TRMT10B: variants seen among roughly 807,000 people sequenced by gnomAD.
TRMT10B encodes tRNA methyltransferase 10B.
In TRMT10B, 33 loss-of-function variants were observed where a neutral mutation model predicts 43.8. That is an observed-to-expected ratio of 0.75 (90% CI 0.57 to 1.01). The LOEUF (loss-of-function observed/expected upper bound fraction) is 1.01, where lower values mean the gene tolerates loss of function less well. Among genes scored for constraint, TRMT10B ranks in the 50% least tolerant of loss-of-function variants. TRMT10B has a pLI of 0.00. For synonymous variants in TRMT10B, 137 were observed against 130.6 expected (o/e 1.05, Z -0.34); for missense variants, 362 against 369.8 (o/e 0.98, Z 0.17).
At chr9:37,775,858 C>G (rs1828083067) in intron 7 of TRMT10B, among the ~76,000 whole-genome samples, 1 of 152,174 alleles carries the variant, frequency 6.6e-6, no homozygotes, top group Admixed American at 6.5e-5. Context: ...CTTCTCACAC[C>G]CTAATGCCAC....
At chr9:37,756,593 C>A (rs1825704444) in intron 1 of TRMT10B, among the ~76,000 whole-genome samples, 1 of 151,878 alleles carries the variant, frequency 6.6e-6, no homozygotes. Flanking sequence ...GTAGACCCAG[C>A]TACTCGGGAG....
intron 4 of TRMT10B, among the ~76,000 whole-genome samples, chr9:37,764,315 ATT>A (rs753115932): frequency 6.5e-4 from 72 of 110,534 alleles, no homozygotes; most frequent in Non-Finnish European, 6.8e-4. Context: ...CGCCTGACAA[ATT>A]TTTTTTTTTT....
At chr9:37,763,161 A>AAC (rs778436464) in intron 3 of TRMT10B, among the ~76,000 whole-genome samples, 11,062 of 137,238 alleles carry the variant, frequency 0.081, 249 homozygotes, top group Non-Finnish European at 0.12. Context: ...AAAAAAAAAA[A>AAC]AAAACAAAAA....
chr9:37,755,843 A>G (rs1825609513), intron 1 of TRMT10B, among the ~76,000 whole-genome samples: 1 of 152,158 alleles, frequency 6.6e-6, no homozygotes, highest in African/African-American at 2.4e-5. Context: ...AAAAATAAAC[A>G]CTGCTGTTTT....
At chr9:37,768,550 G>T (rs1827225857) in intron 5 of TRMT10B, among the ~76,000 whole-genome samples, 1 of 152,188 alleles carries the variant, frequency 6.6e-6, no homozygotes, top group Non-Finnish European at 1.5e-5. Context: ...AGTTTTGGGG[G>T]AAGAGAAGGA....
In TRMT10B at chr9:37,770,667, A is replaced by AT; in HGVS notation, c.653-3dup. The AT allele has an allele frequency of 6.2e-7, 1 of 1,612,504 alleles. No homozygotes were observed. Among genetic ancestry groups the AT allele is most frequent in the Non-Finnish European group, 8.5e-7 (1 of 1,179,626 alleles). ...TGATCTCATTGGCCTTCATTTTTTC[A>AT]TTAGCTCTTGAAGATGTTGATCTAA... On this transcript the variant is annotated splice_region_variant and splice_polypyrimidine_tract_variant and intron_variant, in intron 6 of 8. Coordinates refer to ENST00000297994, the MANE Select transcript of TRMT10B (RefSeq NM_144964.4).
chr9:37,772,747 G>A (rs1279065160), intron 7 of TRMT10B, among the ~76,000 whole-genome samples: 1 of 152,084 alleles, frequency 6.6e-6, no homozygotes, highest in South Asian at 2.1e-4. Flanking sequence ...ACTTAGGGAG[G>A]CCCAAGGCAG....
chr9:37,761,138 T>C (rs1478966834), intron 1 of TRMT10B, among the ~76,000 whole-genome samples: 2 of 152,226 alleles, frequency 1.3e-5, no homozygotes, highest in African/African-American at 4.8e-5. Flanking sequence ...CTCTACTATA[T>C]ACATTGGTAC....
In TRMT10B at chr9:37,765,353, G is replaced by GT. The variant is rs551084485; in HGVS notation, c.420+1606dup. 4.1e-4 allele frequency among the ~76,000 whole-genome samples: 63 copies of GT among 152,122 alleles called. 1 individual carries two copies. Among genetic ancestry groups the GT allele is most frequent in the South Asian group, 1.7e-3 (8 of 4,812 alleles). On this transcript the variant is annotated intron_variant, in intron 4 of 8. Transcript: ENST00000297994. ...TATGAGTGAGAACATACGGTGTTTG[G>GT]TTTTTTGTCCTTGTGATAGTTTGCT...
chr9:37,777,039 CAA>C (rs1166319097), intron 8 of TRMT10B, among the ~76,000 whole-genome samples: 1 of 150,428 alleles, frequency 6.6e-6, no homozygotes, highest in East Asian at 2.0e-4. Flanking sequence ...ACTAAAAATA[CAA>C]AAATTAGCAG....
At chr9:37,770,166 G>A (rs1362613026) in intron 6 of TRMT10B, 147 bp downstream of exon 6, 7 of 748,350 alleles carry the variant, frequency 9.4e-6, no homozygotes, top group Non-Finnish European at 1.7e-5. Flanking sequence ...TCCTCTTACA[G>A]GCAGGGGCCT....
chr9:37,772,675 G>A (rs376569016), intron 7 of TRMT10B, among the ~76,000 whole-genome samples: 1 of 152,138 alleles, frequency 6.6e-6, no homozygotes, highest in African/African-American at 2.4e-5. Context: ...ACCGAGGCAG[G>A]AGGCTGTTAC....
At chr9:37,765,433 A>G (rs1563994686) in intron 4 of TRMT10B, among the ~76,000 whole-genome samples, 1 of 152,160 alleles carries the variant, frequency 6.6e-6, no homozygotes, top group African/African-American at 2.4e-5. Context: ...TGAACTCATC[A>G]TTTTTTATGG....
At chr9:37,770,977 T>C (rs1429375077) in intron 7 of TRMT10B, among the ~76,000 whole-genome samples, 2 of 152,222 alleles carry the variant, frequency 1.3e-5, no homozygotes, top group Admixed American at 1.3e-4. Flanking sequence ...TACATAGCCA[T>C]TGTTGAGTTT....
At chr9:37,761,869 A>G in intron 1 of TRMT10B, 34 bp from the exon 2 acceptor site, 1 of 1,454,932 alleles carries the variant, frequency 6.9e-7, no homozygotes, top group South Asian at 1.3e-5. Context: ...TAGTGAAATA[A>G]TGTAATAGCT....
At chr9:37,754,054 G>A (rs1021118788) in intron 1 of TRMT10B, among the ~76,000 whole-genome samples, 2 of 152,264 alleles carry the variant, frequency 1.3e-5, no homozygotes, top group Non-Finnish European at 2.9e-5. Flanking sequence ...CCCGCAGGCG[G>A]GGTGCTCTCA....
chr9:37,768,099 G>A lies in TRMT10B; in HGVS notation c.444G>A (p.Gln148=). ...SKKELSRLAG[Q]IRRLYGSNKK... is the part of the protein sequence containing the mutation. The stretch of plus-strand genomic sequence containing the variant: ...AGGAATTAAGTAGACTGGCTGGACA[G>A]ATTCGAAGGTTGTATGGTTCAAACA... The change falls in exon 5 of 9, where the codon CAG becomes CAA. Residue 148 remains glutamine, a synonymous_variant. Transcript: ENST00000297994. The A allele has an allele frequency of 6.2e-7, 1 of 1,614,118 alleles. No individual in the cohort carries two copies. The highest frequency in any genetic ancestry group is 8.5e-7 in the Non-Finnish European group (1 of 1,179,994).
upstream of TRMT10B, among the ~76,000 whole-genome samples, chr9:37,752,918 G>A (rs1248974150): frequency 3.3e-5 from 5 of 152,192 alleles, no homozygotes; most frequent in Admixed American, 6.5e-5. Context: ...CGTTGGGGTT[G>A]CCTTTCTGGA....
intron 7 of TRMT10B, among the ~76,000 whole-genome samples, chr9:37,774,959 G>A (rs542559669): frequency 6.6e-6 from 1 of 152,202 alleles, no homozygotes; most frequent in Non-Finnish European, 1.5e-5. Flanking sequence ...GGAGACTAGA[G>A]GATTCCTAGG....
Sources: gnomAD v4.1 joint callset for allele counts (sites outside exome capture counted in the v4.1 genomes callset) on GRCh38, gnomAD v4.1.1 for gene constraint, MANE v1.5 for transcripts, NCBI Gene and HGNC (gene_info 2026-07-23, HGNC 2026-07-21) for gene names.